The following NAP1L4 variants were observed in gnomAD, a reference collection of about 807,000 sequenced individuals.
NAP1L4 encodes nucleosome assembly protein 1-like 4.
In NAP1L4, 15 loss-of-function variants were observed where a neutral mutation model predicts 58.2. The observed-to-expected ratio is 0.26, with a 90% CI of 0.17 to 0.40. NAP1L4 has a LOEUF of 0.40. Ranked by LOEUF, NAP1L4 falls within the 10% of genes least tolerant of loss-of-function variation. NAP1L4 has a pLI of 1.00. For synonymous variants in NAP1L4, 171 were observed against 155.6 expected (o/e 1.10, Z -0.74); for missense variants, 384 against 451.1 (o/e 0.85, Z 1.35).
At position 2,959,793 on chromosome 11, in the gene NAP1L4, A is replaced by C. The variant is rs1404612410; in HGVS notation, c.723T>G (p.Gly241=). The C allele has an allele frequency of 1.2e-6, 2 of 1,614,086 alleles. No homozygotes were observed. Among genetic ancestry groups the C allele is most frequent in the Non-Finnish European group, 1.7e-6 (2 of 1,180,022 alleles). Residue 241 remains glycine (G), a synonymous_variant, in exon 9 of 16, where the codon GGT becomes GGG. Transcript: ENST00000380542. This position sits in a 1 kb window ranked among gnomAD's most constrained non-coding sequence, Gnocchi z 4.9. The stretch of plus-strand genomic sequence containing the variant: ...ACCCGTCACAGTCCACAATCTCAGG[A>C]CCTTCAAAGGAAAAGGGATCAGCCT... The part of the protein sequence containing the change: ...PDKADPFSFE[G]PEIVDCDGCT...
At position 2,985,905 on chromosome 11, in the gene NAP1L4, A is replaced by G. The variant is rs142989067; in HGVS notation, c.-18+6349T>C. Among the ~76,000 whole-genome samples the G allele has an allele frequency of 4.7e-3, 714 of 152,168 alleles. 12 individuals carry two copies. Among genetic ancestry groups the G allele is most frequent in the African/African-American group, 0.016 (680 of 41,400 alleles). ...AAAATAAAATAATTCCCATGATTAC[A>G]CAAATGTTCTTTTATTTATATTAGT... On this transcript the variant is annotated intron_variant, in intron 1 of 15. Coordinates refer to ENST00000380542, the MANE Select transcript of NAP1L4 (RefSeq NM_005969.4).
At position 2,959,030 on chromosome 11, in the gene NAP1L4, C is replaced by T; in HGVS notation, c.747-486G>A. The T allele has an allele frequency of 6.0e-6, 1 of 166,224 alleles. No individual in the cohort carries two copies. Among genetic ancestry groups the T allele is most frequent in the Non-Finnish European group, 1.3e-5 (1 of 75,492 alleles). The allele number at this position is 166,224 out of a possible 1,614,324, so 10.3% of individuals were successfully genotyped here. A position where few individuals can be genotyped will look rare whatever the true frequency, so the allele number is the denominator to read the frequency against. On this transcript the variant is annotated intron_variant, in intron 9 of 15. Coordinates refer to ENST00000380542, the MANE Select transcript of NAP1L4 (RefSeq NM_005969.4). This position sits in a 1 kb window ranked among gnomAD's most constrained non-coding sequence, Gnocchi z 4.9. ...GCGAGGGCTGAGCACAGCACGCTCT[C>T]TCTAACACACAATCACCACAGACCC... is the stretch of plus-strand genomic sequence containing the variant.
intron 7 of NAP1L4, 60 bp from the exon 8 acceptor site, chr11:2,964,811 G>A (rs931266845): frequency 3.4e-5 from 43 of 1,281,570 alleles, no homozygotes; most frequent in African/African-American, 1.8e-4. Flanking sequence ...CATCTCTCCC[G>A]AAGAGTCATG....
intron 8 of NAP1L4, among the ~76,000 whole-genome samples, chr11:2,960,419 G>A (rs1335125195): frequency 2.6e-5 from 4 of 152,126 alleles, no homozygotes; most frequent in African/African-American, 9.7e-5. Flanking sequence ...ATCTCTACAA[G>A]GACAGAAAGC....
chr11:2,972,943 C>T (rs1847734716), intron 4 of NAP1L4, among the ~76,000 whole-genome samples: 1 of 152,112 alleles, frequency 6.6e-6, no homozygotes, highest in Non-Finnish European at 1.5e-5. Flanking sequence ...TGCACTCCAG[C>T]CTGGGAAACA....
chr11:2,951,006 T>C lies in NAP1L4; in HGVS notation c.1122+253A>G. Reference sequence around the variant, plus strand: ...AAACACTTGGAAAGTCAAGTTGCTCTACTGAGGAGTCTATGTAAATAAGAC... The same window carrying C: ...AAACACTTGGAAAGTCAAGTTGCTCCACTGAGGAGTCTATGTAAATAAGAC... On this transcript the variant is annotated intron_variant, in intron 14 of 15. Transcript: ENST00000380542. The surrounding 1 kb of genome is among the most constrained non-coding windows in gnomAD (Gnocchi z 4.0). The C allele has an allele frequency of 2.4e-6, 1 of 413,078 alleles. No homozygotes were observed. The highest frequency in any genetic ancestry group is 7.3e-5 in the South Asian group (1 of 13,638). The allele number at this position is 413,078 out of a possible 1,614,324, so 25.6% of individuals were successfully genotyped here.
chr11:2,955,478 T>C lies in NAP1L4; in HGVS notation c.915+266A>G, dbSNP rs1437701682. ...ACCTTGGCCTCCCACAGTGCTGGTATTACGGGCGTGAACCACCATGTTCGG... is the reference window on the plus strand; with the variant it reads ...ACCTTGGCCTCCCACAGTGCTGGTACTACGGGCGTGAACCACCATGTTCGG... On this transcript the variant is annotated intron_variant, in intron 11 of 15. Transcript: ENST00000380542. This position sits in a 1 kb window ranked among gnomAD's most constrained non-coding sequence, Gnocchi z 4.2. Among the ~76,000 whole-genome samples, 1 of 152,114 alleles carries C rather than the reference T, an allele frequency of 6.6e-6. No homozygotes were observed. Among genetic ancestry groups the C allele is most frequent in the East Asian group, 1.9e-4 (1 of 5,192 alleles).
At chr11:2,988,770 T>C (rs1848795218) in intron 1 of NAP1L4, among the ~76,000 whole-genome samples, 1 of 152,214 alleles carries the variant, frequency 6.6e-6, no homozygotes, top group African/African-American at 2.4e-5. Context: ...TAACAGGGGA[T>C]ACTTGTAAGA....
In NAP1L4 at chr11:2,972,252, G is replaced by C; in HGVS notation, c.174-9C>G. On this transcript the variant is annotated splice_polypyrimidine_tract_variant and intron_variant, in intron 4 of 15. Transcript: ENST00000380542. ...TTACTGCTTTAGGTAAACTAAAAAA[G>C]GGAGTAAGAAATACAACATCCTCAT... is the stretch of plus-strand genomic sequence containing the variant. 1 of 1,593,086 alleles carries C rather than the reference G, an allele frequency of 6.3e-7. No individual in the cohort carries two copies. The highest frequency in any genetic ancestry group is 8.5e-7 in the Non-Finnish European group (1 of 1,173,498).
chr11:2,964,715 T>C lies in NAP1L4; in HGVS notation c.571A>G (p.Ile191Val), dbSNP rs1234887257. Residue 191 changes from isoleucine to valine, a missense_variant, in exon 8 of 16, where the codon ATT becomes GTT. Physicochemically the swap from Ile to Val is conservative, Grantham distance 29. Transcript: ENST00000380542. ...DEPILKHLQDIKVKFSDPGQP... is the reference protein window; with the variant it reads ...DEPILKHLQDVKVKFSDPGQP... ...CCAGGGTCAGAAAATTTCACTTTAA[T>C]ATCCTGCAGGTGTTTCAAGATTGGT... is the stretch of plus-strand genomic sequence containing the variant. 6.2e-7 allele frequency: 1 copy of C among 1,614,064 alleles called. No individual in the cohort carries two copies. The highest frequency in any genetic ancestry group is 8.5e-7 in the Non-Finnish European group (1 of 1,179,954).
At chr11:2,957,520 T>C (rs1478326620) in intron 10 of NAP1L4, among the ~76,000 whole-genome samples, 3 of 152,232 alleles carry the variant, frequency 2.0e-5, no homozygotes, top group African/African-American at 7.2e-5. Flanking sequence ...ACTGATTATC[T>C]GCAGCAGGGG....
chr11:2,961,669 C>T (rs989993975), intron 8 of NAP1L4, among the ~76,000 whole-genome samples: 1 of 152,068 alleles, frequency 6.6e-6, no homozygotes, highest in African/African-American at 2.4e-5. Flanking sequence ...TGTGGTCCTT[C>T]ACCATGTCCT....
chr11:2,947,009 C>T (rs553556538), intron 15 of NAP1L4, among the ~76,000 whole-genome samples: 25 of 152,250 alleles, frequency 1.6e-4, no homozygotes, highest in Non-Finnish European at 3.1e-4. Context: ...TGTGCAGGGA[C>T]GGGGAAGACT....
chr11:2,960,287 C>T (rs1009647248), intron 8 of NAP1L4, among the ~76,000 whole-genome samples: 2 of 152,170 alleles, frequency 1.3e-5, no homozygotes, highest in African/African-American at 2.4e-5. Context: ...TGTCCTTTTC[C>T]GCTCAGCCTA....
chr11:2,989,571 A>G (rs1848834270), intron 1 of NAP1L4, among the ~76,000 whole-genome samples: 1 of 152,232 alleles, frequency 6.6e-6, no homozygotes, highest in South Asian at 2.1e-4. Flanking sequence ...GGGAAGGAAG[A>G]AAAGCACTAC....
At position 2,951,085 on chromosome 11, in the gene NAP1L4, A is replaced by G; in HGVS notation, c.1122+174T>C. On this transcript the variant is annotated intron_variant, in intron 14 of 15. Transcript: ENST00000380542. The surrounding 1 kb of genome is among the most constrained non-coding windows in gnomAD (Gnocchi z 4.0). ...ACTGAGTATGTACACTCAACACTCA[A>G]ATTATAGACACAGTGTCTGAATAAT... The G allele has an allele frequency of 3.0e-6, 2 of 661,020 alleles. No individual in the cohort carries two copies. The highest frequency in any genetic ancestry group is 2.5e-5 in the East Asian group (1 of 39,346). 40.9% of individuals were successfully genotyped at this position (661,020 alleles called of 1,614,324 possible).
At position 2,948,278 on chromosome 11, in the gene NAP1L4, C is replaced by A. The variant is rs569055057; in HGVS notation, c.*32+949G>T. Among the ~76,000 whole-genome samples, 4 of 152,162 alleles carry A rather than the reference C, an allele frequency of 2.6e-5. No homozygotes were observed. Among genetic ancestry groups the A allele is most frequent in the Non-Finnish European group, 5.9e-5 (4 of 68,030 alleles). ...AGCCTACATGAGGAAGACAGGGAGGCGGTGGCGCTAAGACCTCAAGGACGT... is the reference window on the plus strand; with the variant it reads ...AGCCTACATGAGGAAGACAGGGAGGAGGTGGCGCTAAGACCTCAAGGACGT... On this transcript the variant is annotated intron_variant, in intron 15 of 15. Transcript: ENST00000380542. This position sits in a 1 kb window ranked among gnomAD's most constrained non-coding sequence, Gnocchi z 5.1.
At position 2,948,223 on chromosome 11, in the gene NAP1L4, C is replaced by T. The variant is rs535610630; in HGVS notation, c.*32+1004G>A. On this transcript the variant is annotated intron_variant, in intron 15 of 15. Transcript: ENST00000380542. The surrounding 1 kb of genome is among the most constrained non-coding windows in gnomAD (Gnocchi z 5.1). ...AAAATCGTTCCAAGAGCTGCATCCG[C>T]CCTATGTACCATCAGTTTCCCATGA... is the stretch of plus-strand genomic sequence containing the variant. Among the ~76,000 whole-genome samples, 1 of 152,310 alleles carries T rather than the reference C, an allele frequency of 6.6e-6. No individual in the cohort carries two copies. Among genetic ancestry groups the T allele is most frequent in the Admixed American group, 6.5e-5 (1 of 15,304 alleles).
intron 1 of NAP1L4, chr11:2,983,912 G>A (rs1848471688): frequency 1.3e-5 from 2 of 151,782 alleles, no homozygotes; most frequent in Admixed American, 1.3e-4. Context: ...CTTGAGCACA[G>A]GAGGCAGAGG....
Sources: allele counts gnomAD v4.1 joint callset (sites outside exome capture counted in the v4.1 genomes callset), GRCh38; gene constraint gnomAD v4.1.1; non-coding constraint Gnocchi (gnomAD v3.1); transcripts MANE v1.5; gene names NCBI Gene and HGNC (gene_info 2026-07-23, HGNC 2026-07-21).